ZNF611: variants seen among roughly 807,000 people sequenced by gnomAD.
The protein encoded by ZNF611 is zinc finger protein 611.
In ZNF611, 6 loss-of-function variants were observed where a neutral mutation model predicts 8.9. That is an observed-to-expected ratio of 0.68 (90% CI 0.37 to 1.34). ZNF611 has a LOEUF of 1.34. Ranked by LOEUF, ZNF611 falls within the 40% of genes most tolerant of loss-of-function variation. The pLI is 0.02. For missense variants in ZNF611, 874 were observed against 841.3 expected (o/e 1.04, Z -0.48); for synonymous variants, 262 against 279.7 (o/e 0.94, Z 0.63).
chr19:52,731,069 T>G (rs532912123), intron 1 of ZNF611, among the ~76,000 whole-genome samples: 2,611 of 151,768 alleles, frequency 0.017, 78 homozygotes, highest in African/African-American at 0.059. Flanking sequence ...CTATTTTTTT[T>G]TGGGGGTGGG....
intron 5 of ZNF611, chr19:52,711,270 T>C (rs1033980216): frequency 2.0e-5 from 3 of 151,942 alleles, no homozygotes; most frequent in African/African-American, 7.3e-5. Flanking sequence ...AGGTGGAGGT[T>C]GCGGTGAACT....
At chr19:52,713,920 T>A (rs111304051) in intron 5 of ZNF611, 95 bp downstream of exon 5, 154 of 1,577,026 alleles carry the variant, frequency 9.8e-5, no homozygotes, top group Non-Finnish European at 1.3e-4. Context: ...ACAAAACCCA[T>A]GTATGGGGCA....
At chr19:52,707,739 A>T (rs2062254812) in intron 5 of ZNF611, among the ~76,000 whole-genome samples, 2 of 151,690 alleles carry the variant, frequency 1.3e-5, no homozygotes, top group Admixed American at 1.3e-4. Context: ...GGTTGAAGTG[A>T]TTCTCCTGCC....
rs750313321 is a variant in ZNF611 at position 52,705,403 on chromosome 19, G to A, written c.1652C>T (p.Ser551Phe). 1 of 1,614,020 alleles carries A rather than the reference G, an allele frequency of 6.2e-7. No homozygotes were observed. The highest frequency in any genetic ancestry group is 2.2e-5 in the East Asian group (1 of 44,880). The change falls in exon 6 of 6, where the codon TCC (serine) becomes TTC (phenylalanine). Residue 551 changes from serine (S) to phenylalanine (F), a missense_variant. Physicochemically the swap from Ser to Phe is radical, Grantham distance 155. Coordinates refer to ENST00000652185, the MANE Select transcript of ZNF611 (RefSeq NM_001161499.2). ...KVCDKAFACH[S>F]YLAKHTRIHS... Reference sequence around the variant, plus strand: ...AATTCTAGTATGTTTTGCCAGATAGGAATGACACGCAAAAGCCTTGTCACA... The same window carrying A: ...AATTCTAGTATGTTTTGCCAGATAGAAATGACACGCAAAAGCCTTGTCACA...
intron 1 of ZNF611, among the ~76,000 whole-genome samples, chr19:52,732,129 T>G (rs1472671812): frequency 1.3e-5 from 2 of 150,448 alleles, no homozygotes; most frequent in African/African-American, 2.4e-5. Context: ...AATTAGCTGG[T>G]AGTGGTGACA....
At position 52,706,046 on chromosome 19, in the gene ZNF611, C is replaced by G. The variant is rs764549939; in HGVS notation, c.1009G>C (p.Asp337His). 5 of 1,613,960 alleles carry G rather than the reference C, an allele frequency of 3.1e-6. No individual in the cohort carries two copies. In the East Asian group the frequency reaches 6.7e-5, roughly 22 times the overall value. Residue 337 changes from aspartate to histidine, a missense_variant, in exon 6 of 6, where the codon GAT becomes CAT. Asp to His is a moderately conservative substitution (Grantham distance 81). Coordinates refer to ENST00000652185, the MANE Select transcript of ZNF611 (RefSeq NM_001161499.2). ...CACTTGTAAGGATTTTCTCCAGTAT[C>G]AATTGCCTTATCAATTAGAAGGGCT... ...NSALLIDKAI[D>H]TGENPYKCNE...
At chr19:52,717,457 C>T (rs1280566080) in intron 3 of ZNF611, among the ~76,000 whole-genome samples, 1 of 152,062 alleles carries the variant, frequency 6.6e-6, no homozygotes, top group Non-Finnish European at 1.5e-5. Context: ...AACCTCAGCC[C>T]CAGGAATAGG....
intron 1 of ZNF611, among the ~76,000 whole-genome samples, chr19:52,731,085 C>T (rs1324713737): frequency 1.3e-5 from 2 of 151,286 alleles, no homozygotes; most frequent in Admixed American, 6.6e-5. Context: ...GTGGGGGAGA[C>T]AGAGTCTCAC....
chr19:52,722,511 A>T (rs2062366366), intron 3 of ZNF611, among the ~76,000 whole-genome samples: 2 of 152,200 alleles, frequency 1.3e-5, no homozygotes, highest in African/African-American at 4.8e-5. Flanking sequence ...CTGACTCACA[A>T]CTGAGTAAGT....
rs760079834 is a variant in ZNF611 at position 52,729,947 on chromosome 19, A to G, written c.-163T>C. ...ATTATGATGTCACAGGTACAGCTGC[A>G]TATCACCAGGCAATACAGCAATTTT... On this transcript the variant is annotated 5_prime_UTR_variant, in exon 2 of 6. It removes an upstream start codon present in the reference 5' UTR. Transcript: ENST00000652185. 1 of 152,222 alleles carries G rather than the reference A, an allele frequency of 6.6e-6. No homozygotes were observed. The highest frequency in any genetic ancestry group is 1.5e-5 in the Non-Finnish European group (1 of 68,036). 9.4% of individuals were successfully genotyped at this position (152,222 alleles called of 1,614,324 possible).
Position 52,705,629 on chromosome 19 carries a change from C to T in ZNF611, c.1426G>A (p.Asp476Asn), listed in dbSNP as rs199699205. The T allele has an allele frequency of 3.3e-5, 53 of 1,613,438 alleles. No individual in the cohort carries two copies. In the East Asian group the frequency reaches 1.1e-3, roughly 34 times the overall value. ...CACTTGTAAGGTTTTTCTCCACAGT[C>T]AATTCTAGTATGTTTTGCCAGTTGT... ...SSQLAKHTRI[D>N]CGEKPYKCNE... is the part of the protein sequence containing the mutation. The change falls in exon 6 of 6, where the codon GAC becomes AAC. Residue 476 changes from aspartate to asparagine, a missense_variant. By Grantham distance (23) the Asp-to-Asn change is conservative. Coordinates refer to ENST00000652185, the MANE Select transcript of ZNF611 (RefSeq NM_001161499.2).
In ZNF611 at chr19:52,724,940, G is replaced by T. The variant is rs547074737; in HGVS notation, c.-20+3790C>A. On this transcript the variant is annotated intron_variant, in intron 3 of 5. Transcript: ENST00000652185. ...CTTTCTTATTTTTTCTTTCACTTTT[G>T]CTGTCTCTTGGCAAATTTCTCACCC... Among the ~76,000 whole-genome samples, 57 of 151,804 alleles carry T rather than the reference G, an allele frequency of 3.8e-4. 1 individual carries two copies. In the South Asian group the frequency reaches 0.012, roughly 31 times the overall value.
intron 5 of ZNF611, among the ~76,000 whole-genome samples, chr19:52,712,065 G>A (rs1240198555): frequency 1.3e-5 from 2 of 152,232 alleles, no homozygotes; most frequent in Non-Finnish European, 2.9e-5. Flanking sequence ...ATGGGCAAGG[G>A]ACAAGAATGA....
intron 5 of ZNF611, among the ~76,000 whole-genome samples, chr19:52,712,679 T>C (rs1487680679): frequency 6.6e-6 from 1 of 151,604 alleles, no homozygotes; most frequent in African/African-American, 2.4e-5. Context: ...AATAGACATA[T>C]GGTTTTGCCA....
intron 3 of ZNF611, among the ~76,000 whole-genome samples, chr19:52,721,699 G>GGGAGAGAGGGAGGGAGAT: frequency 6.6e-6 from 1 of 151,908 alleles, no homozygotes; most frequent in African/African-American, 2.4e-5. Flanking sequence ...GGGAGGGAGA[G>GGGAGAGAGGGAGGGAGAT]GGAGAGGCAG....
rs1358198568 is a variant in ZNF611 at position 52,705,864 on chromosome 19, T to C, written c.1191A>G (p.Pro397=). The change falls in exon 6 of 6, where the codon CCA becomes CCG. Residue 397 remains proline (P), a synonymous_variant. Transcript: ENST00000652185. ...CTGTGTCACAAACCTTACATCTGTA[T>C]GGTTTCTCTCCAGTATGAATTCTCT... ...THKRIHTGEK[P]YRCKVCDTAF... is the part of the protein sequence containing the mutation. 3 of 1,614,174 alleles carry C rather than the reference T, an allele frequency of 1.9e-6. No homozygotes were observed. Among genetic ancestry groups the C allele is most frequent in the Admixed American group, 3.3e-5 (2 of 60,026 alleles).
rs3906399 is a variant in ZNF611 at position 52,706,245 on chromosome 19, G to T, written c.810C>A (p.His270Gln). ...KCDVCGKLFN[H>Q]EQYLACHDRC... ...TATCATGGCATGCAAGGTATTGCTCGTGATTAAAGAGCTTGCCACATACAT... is the reference window on the plus strand; with the variant it reads ...TATCATGGCATGCAAGGTATTGCTCTTGATTAAAGAGCTTGCCACATACAT... Residue 270 changes from histidine to glutamine, a missense_variant, in exon 6 of 6, where the codon CAC becomes CAA. Physicochemically the swap from His to Gln is conservative, Grantham distance 24. Coordinates refer to ENST00000652185, the MANE Select transcript of ZNF611 (RefSeq NM_001161499.2). 85 of 1,614,020 alleles carry T rather than the reference G, an allele frequency of 5.3e-5. No homozygotes were observed. The South Asian group carries it at 9.1e-4, about 17-fold the overall frequency.
intron 3 of ZNF611, among the ~76,000 whole-genome samples, chr19:52,726,173 A>G (rs896587147): frequency 5.3e-5 from 8 of 152,076 alleles, no homozygotes; most frequent in African/African-American, 1.4e-4. Flanking sequence ...ACTTCCCTAG[A>G]GCCTTTGCTT....
chr19:52,719,425 G>T (rs1160719833), intron 3 of ZNF611, among the ~76,000 whole-genome samples: 1 of 152,176 alleles, frequency 6.6e-6, no homozygotes, highest in Non-Finnish European at 1.5e-5. Context: ...TCTGGCTGAA[G>T]AGGGGTTGCA....
Sources: allele counts gnomAD v4.1 joint callset (sites outside exome capture counted in the v4.1 genomes callset), GRCh38; gene constraint gnomAD v4.1.1; transcripts MANE v1.5; gene names NCBI Gene and HGNC (gene_info 2026-07-23, HGNC 2026-07-21).